The following OPRL1 variants were observed in gnomAD, a reference collection of about 807,000 sequenced individuals.
The protein encoded by OPRL1 is opioid related nociceptin receptor 1, also known as nociceptin receptor.
A neutral mutation model predicts 15.5 loss-of-function variants in OPRL1; 5 were observed. The observed-to-expected ratio is 0.32, with a 90% CI of 0.17 to 0.68. The LOEUF (loss-of-function observed/expected upper bound fraction) is 0.68. OPRL1 is among the 30% of genes least tolerant of loss of function. The pLI is 0.72. For synonymous variants in OPRL1, 223 were observed against 230.2 expected, an observed-to-expected ratio of 0.97 and a Z score of 0.28; for missense variants, 406 against 515.3, an observed-to-expected ratio of 0.79 and a Z score of 2.05.
rs201975936 is a variant in OPRL1, at chr20:64,092,751, G to A, written c.31G>A (p.Glu11Lys). Residue 11 changes from glutamate (E) to lysine (K), a missense_variant, in exon 3 of 5, where the codon GAG (glutamate) becomes AAG (lysine). Glu to Lys is a moderately conservative substitution (Grantham distance 56). Coordinates refer to ENST00000336866, the MANE Select transcript of OPRL1 (RefSeq NM_182647.4). MEPLFPAPFW[E>K]VIYGSHLQGN... is the part of the protein sequence containing the mutation. ...GCCCCTCTTCCCCGCGCCGTTCTGG[G>A]AGGTTATCTACGGCAGCCACCTTCA... 1.3e-4 allele frequency: 212 copies of A among 1,612,584 alleles called. No homozygotes were observed. The highest frequency in any genetic ancestry group is 6.5e-5 in the Non-Finnish European group (77 of 1,179,952).
At chr20:64,096,112 A>C (rs1979084059) in intron 3 of OPRL1, among the ~76,000 whole-genome samples, 1 of 152,006 alleles carries the variant, frequency 6.6e-6, no homozygotes, top group Non-Finnish European at 1.5e-5. Context: ...CAGCCTGGGG[A>C]AGTCCCTGGG....
chr20:64,097,797 C>T lies in OPRL1; in HGVS notation c.234-5C>T, dbSNP rs775123414. ...TGAAGCCTTTCTTCTCCCTCTACTC[C>T]GCAGGCACACCAAAATGAAGACAGC... is the stretch of plus-strand genomic sequence containing the variant. On this transcript the variant is annotated splice_region_variant and splice_polypyrimidine_tract_variant and intron_variant, in intron 3 of 4. Coordinates refer to ENST00000336866, the MANE Select transcript of OPRL1 (RefSeq NM_182647.4). The surrounding 1 kb of genome is among the most constrained non-coding windows in gnomAD (Gnocchi z 4.2). 2.1e-5 allele frequency: 34 copies of T among 1,609,904 alleles called. No individual in the cohort carries two copies. Among genetic ancestry groups the T allele is most frequent in the Middle Eastern group, 3.3e-4 (2 of 6,070 alleles).
chr20:64,081,595 T>C (rs1474717265), intron 1 of OPRL1, among the ~76,000 whole-genome samples: 1 of 152,120 alleles, frequency 6.6e-6, no homozygotes, highest in East Asian at 1.9e-4. Flanking sequence ...CTGAAGTCCA[T>C]GGGTGGGGCC....
chr20:64,088,177 A>T (rs2060069713), intron 1 of OPRL1, among the ~76,000 whole-genome samples: 1 of 152,218 alleles, frequency 6.6e-6, no homozygotes, highest in Non-Finnish European at 1.5e-5. Context: ...GAAGGTTCCC[A>T]GGGCTGGGGG....
chr20:64,097,546 GA>G lies in OPRL1; in HGVS notation c.234-254del, dbSNP rs1979324425. Among the ~76,000 whole-genome samples, 2 of 152,206 alleles carry G rather than the reference GA, an allele frequency of 1.3e-5. No individual in the cohort carries two copies. Among genetic ancestry groups the G allele is most frequent in the Admixed American group, 1.3e-4 (2 of 15,276 alleles). On this transcript the variant is annotated intron_variant, in intron 3 of 4. Coordinates refer to ENST00000336866, the MANE Select transcript of OPRL1 (RefSeq NM_182647.4). The surrounding 1 kb of genome is among the most constrained non-coding windows in gnomAD (Gnocchi z 4.2). ...AAAGTAGACCTGTGTTTAAGGCTTG[GA>G]ATCCTTCTGTGTGTGTCAGAGTCAC...
intron 1 of OPRL1, chr20:64,084,037 G>C (rs2060009243): frequency 6.7e-7 from 1 of 1,503,512 alleles, no homozygotes; most frequent in African/African-American, 1.4e-5. Context: ...AGAGCAGATG[G>C]CGGTGGCGCT....
intron 1 of OPRL1, among the ~76,000 whole-genome samples, chr20:64,088,058 G>A (rs1377913648): frequency 6.6e-6 from 1 of 152,240 alleles, no homozygotes; most frequent in East Asian, 1.9e-4. Flanking sequence ...GGGGCCAGGT[G>A]CCTGCCTCCT....
Position 64,098,867 on chromosome 20 carries a change from C to T in OPRL1, c.*68C>T. 6.6e-7 allele frequency: 1 copy of T among 1,515,324 alleles called. No homozygotes were observed. Among genetic ancestry groups the T allele is most frequent in the Middle Eastern group, 2.3e-4 (1 of 4,404 alleles). The allele number at this position is 1,515,324 out of a possible 1,614,324, so 93.9% of individuals were successfully genotyped here. On this transcript the variant is annotated 3_prime_UTR_variant, in exon 5 of 5. Coordinates refer to ENST00000336866, the MANE Select transcript of OPRL1 (RefSeq NM_182647.4). ...CCATCTACGCCCAACACAGAGCTCACACAGGTCACTGCTCTCTAGGCGGAC... is the reference window on the plus strand; with the variant it reads ...CCATCTACGCCCAACACAGAGCTCATACAGGTCACTGCTCTCTAGGCGGAC...
Position 64,097,706 on chromosome 20 carries a change from T to C in OPRL1, c.234-96T>C, listed in dbSNP as rs898983882. 7.4e-6 allele frequency: 8 copies of C among 1,076,190 alleles called. No individual in the cohort carries two copies. The highest frequency in any genetic ancestry group is 1.1e-5 in the Non-Finnish European group (8 of 721,728). The allele number at this position is 1,076,190 out of a possible 1,614,324, so 66.7% of individuals were successfully genotyped here. On this transcript the variant is annotated intron_variant, in intron 3 of 4. Transcript: ENST00000336866. The surrounding 1 kb of genome is among the most constrained non-coding windows in gnomAD (Gnocchi z 4.2). ...CTGATGTTAAGGGACTCAGGGCCAC[T>C]GTAGCTTGTGGTGGCCAAGAGGAGC...
chr20:64,083,583 C>T lies in OPRL1; in HGVS notation c.-185+3231C>T, dbSNP rs564046845. ...CGCCCCTACCGGGGCTTGTCTGCAC[C>T]TCTTGGCGGTCCAGGGGGTCCGGGA... On this transcript the variant is annotated intron_variant, in intron 1 of 4. Coordinates refer to ENST00000336866, the MANE Select transcript of OPRL1 (RefSeq NM_182647.4). This position sits in a 1 kb window ranked among gnomAD's most constrained non-coding sequence, Gnocchi z 4.9. The T allele has an allele frequency of 4.6e-5, 70 of 1,512,450 alleles. No homozygotes were observed. In the East Asian group the frequency reaches 1.7e-3, roughly 38 times the overall value. 93.7% of individuals were successfully genotyped at this position (1,512,450 alleles called of 1,614,324 possible).
At chr20:64,084,391 C>T (rs1046219418) in intron 1 of OPRL1, 33 of 1,273,898 alleles carry the variant, frequency 2.6e-5, no homozygotes, top group African/African-American at 4.7e-5. Flanking sequence ...CAGGCGCTCT[C>T]CCTCTCCCAA....
Position 64,083,417 on chromosome 20 carries a change from G to C in OPRL1, c.-185+3065G>C. On this transcript the variant is annotated intron_variant, in intron 1 of 4. Transcript: ENST00000336866. This position sits in a 1 kb window ranked among gnomAD's most constrained non-coding sequence, Gnocchi z 4.9. ...TTTATGTGGGAGGCTGGGGCGCGTC[G>C]CACACTCTCAGTCGCCGTCACCGCG... is the stretch of plus-strand genomic sequence containing the variant. 1 of 1,611,590 alleles carries C rather than the reference G, an allele frequency of 6.2e-7. No homozygotes were observed. The highest frequency in any genetic ancestry group is 1.1e-5 in the South Asian group (1 of 91,020).
Position 64,083,930 on chromosome 20 carries a change from G to C in OPRL1, c.-185+3578G>C. 1 of 1,455,378 alleles carries C rather than the reference G, an allele frequency of 6.9e-7. No homozygotes were observed. Among genetic ancestry groups the C allele is most frequent in the South Asian group, 1.3e-5 (1 of 75,798 alleles). 90.2% of individuals were successfully genotyped at this position (1,455,378 alleles called of 1,614,324 possible). A position where few individuals can be genotyped will look rare whatever the true frequency, so the allele number is the denominator to read the frequency against. ...CTCGGCGGGCAGCTCGAGCGACTGC[G>C]TCCACGGGCGCGGGTCGGGCATGCG... On this transcript the variant is annotated intron_variant, in intron 1 of 4. Transcript: ENST00000336866. This position sits in a 1 kb window ranked among gnomAD's most constrained non-coding sequence, Gnocchi z 4.9.
chr20:64,088,570 T>C (rs2060077541), intron 1 of OPRL1, among the ~76,000 whole-genome samples: 1 of 59,392 alleles, frequency 1.7e-5, no homozygotes, highest in Admixed American at 2.5e-4. Flanking sequence ...ACTAGATCTT[T>C]GCAGGTGTGG....
chr20:64,084,504 G>A (rs2145573047), intron 1 of OPRL1: 1 of 721,194 alleles, frequency 1.4e-6, no homozygotes, highest in Admixed American at 4.9e-5. Flanking sequence ...TTTCCTACCC[G>A]ATGGACTGTT....
chr20:64,098,279 T>C lies in OPRL1; in HGVS notation c.593T>C (p.Ile198Thr). 2 of 1,613,118 alleles carry C rather than the reference T, an allele frequency of 1.2e-6. No individual in the cohort carries two copies. Among genetic ancestry groups the C allele is most frequent in the Non-Finnish European group, 1.7e-6 (2 of 1,179,556 alleles). Residue 198 changes from isoleucine (I) to threonine (T), a missense_variant, in exon 5 of 5, where the codon ATC (isoleucine) becomes ACC (threonine). Physicochemically the swap from Ile to Thr is moderately conservative, Grantham distance 89. Coordinates refer to ENST00000336866, the MANE Select transcript of OPRL1 (RefSeq NM_182647.4). ...GACCCCGTTTCTCTCCCTGCAGAGA[T>C]CGAGTGCCTGGTGGAGATCCCTACC... ...MGSAQVEDEE[I>T]ECLVEIPTPQ...
chr20:64,088,691 C>A (rs1601634559), intron 1 of OPRL1, among the ~76,000 whole-genome samples: 504 of 101,068 alleles, frequency 5.0e-3, no homozygotes, highest in Middle Eastern at 0.01. Context: ...AGGATCTGTG[C>A]AGGGAGGCCA....
At chr20:64,092,660 A>G in intron 2 of OPRL1, 28 bp from the exon 3 acceptor site, 1 of 1,540,532 alleles carries the variant, frequency 6.5e-7, no homozygotes, top group Non-Finnish European at 8.9e-7. Context: ...CTGGCACTGC[A>G]GCCACTTGTC....
chr20:64,081,520 G>A (rs1272017209), intron 1 of OPRL1, among the ~76,000 whole-genome samples: 11 of 152,110 alleles, frequency 7.2e-5, no homozygotes, highest in African/African-American at 2.2e-4. Flanking sequence ...TCATTCCCCC[G>A]TCTCCTCTGG....
Sources: allele counts gnomAD v4.1 joint callset (sites outside exome capture counted in the v4.1 genomes callset), GRCh38; gene constraint gnomAD v4.1.1; non-coding constraint Gnocchi (gnomAD v3.1); transcripts MANE v1.5; gene names NCBI Gene and HGNC (gene_info 2026-07-23, HGNC 2026-07-21).